The following COG5 variants were observed in gnomAD, a reference collection of about 807,000 sequenced individuals.
COG5 encodes component of oligomeric golgi complex 5.
In COG5, 86 loss-of-function variants were observed where a neutral mutation model predicts 110.4. That is an observed-to-expected ratio of 0.78 (90% CI 0.65 to 0.93). The LOEUF is 0.93. Ranked by LOEUF, COG5 falls within the 40% of genes least tolerant of loss-of-function variation. The pLI, the probability that COG5 is intolerant of heterozygous loss-of-function variation, is 0.00. For missense variants in COG5, 1,077 were observed against 987.0 expected, an observed-to-expected ratio of 1.09 and a Z score of -1.22; for synonymous variants, 360 against 334.6, an observed-to-expected ratio of 1.08 and a Z score of -0.83.
At chr7:107,405,025 A>T (rs902637179) in intron 7 of COG5, among the ~76,000 whole-genome samples, 1 of 152,108 alleles carries the variant, frequency 6.6e-6, no homozygotes, top group Non-Finnish European at 1.5e-5. Context: ...TTCAATACAA[A>T]TTGCTTCACA....
At chr7:107,286,420 G>C (rs67693230) in intron 12 of COG5, among the ~76,000 whole-genome samples, 13,601 of 152,018 alleles carry the variant, frequency 0.089, 920 homozygotes, top group African/African-American at 0.19. Context: ...ATCATTTCAA[G>C]GTGCTCTCAT....
At chr7:107,518,158 G>T (rs1374439824) in intron 6 of COG5, among the ~76,000 whole-genome samples, 2 of 152,144 alleles carry the variant, frequency 1.3e-5, no homozygotes, top group Admixed American at 6.5e-5. Context: ...ACTGAAGGAA[G>T]CACTAAATAT....
In COG5 at chr7:107,203,521, G is replaced by A. The variant is rs549788738; in HGVS notation, c.2485C>T (p.Gln829Ter). Residue 829 changes from glutamine to a stop codon, truncating the protein, a stop_gained, in exon 22 of 22, where the codon CAG (glutamine) becomes TAG (stop). Transcript: ENST00000297135. LOFTEE classifies it high-confidence loss of function. Reference sequence around the variant, plus strand: ...TGAACAAAGATTTCATGTCATTACTGAAGAGCAGACATAGCCTTTTGAAGC... The same window carrying A: ...TGAACAAAGATTTCATGTCATTACTAAAGAGCAGACATAGCCTTTTGAAGC... Reference protein sequence around the residue: ...QLLQKAMSALQ With the variant: ...QLLQKAMSAL 1.2e-4 allele frequency: 197 copies of A among 1,607,352 alleles called. 2 individuals carry two copies. In the South Asian group the frequency reaches 2.1e-3, roughly 17 times the overall value.
intron 6 of COG5, among the ~76,000 whole-genome samples, chr7:107,414,697 C>T (rs1457141350): frequency 1.8e-5 from 2 of 110,074 alleles, no homozygotes; most frequent in African/African-American, 6.0e-5. Flanking sequence ...AAAATCCTCA[C>T]TGTCCCTTTT....
chr7:107,263,181 C>A (rs942497013), intron 14 of COG5, among the ~76,000 whole-genome samples: 8 of 152,168 alleles, frequency 5.3e-5, no homozygotes, highest in Non-Finnish European at 1.0e-4. Context: ...TCAACTACTT[C>A]ATAATCCTCC....
At chr7:107,493,961 A>T (rs549750244) in intron 6 of COG5, among the ~76,000 whole-genome samples, 1 of 152,208 alleles carries the variant, frequency 6.6e-6, no homozygotes, top group African/African-American at 2.4e-5. Flanking sequence ...TAATTTGAGT[A>T]TTAAAAATTT....
intron 6 of COG5, among the ~76,000 whole-genome samples, chr7:107,473,793 T>C (rs1312445503): frequency 6.6e-6 from 1 of 151,984 alleles, no homozygotes; most frequent in Non-Finnish European, 1.5e-5. Context: ...CTTTAGCATA[T>C]TAACTTTGCA....
chr7:107,544,491 C>A (rs1005539502), intron 5 of COG5, among the ~76,000 whole-genome samples: 1 of 152,152 alleles, frequency 6.6e-6, no homozygotes, highest in African/African-American at 2.4e-5. Context: ...CACATTTGCC[C>A]CAGTAAATAT....
intron 18 of COG5, among the ~76,000 whole-genome samples, chr7:107,233,047 T>C (rs796243079): frequency 1.3e-5 from 2 of 152,376 alleles, no homozygotes; most frequent in African/African-American, 4.8e-5. Context: ...TTTTCTTTTC[T>C]AAATTAATAT....
chr7:107,312,355 G>A (rs1395662323), intron 11 of COG5, among the ~76,000 whole-genome samples: 1 of 152,212 alleles, frequency 6.6e-6, no homozygotes, highest in Non-Finnish European at 1.5e-5. Context: ...GTAGGCAGAA[G>A]CTTTTTGCAG....
chr7:107,352,157 T>C (rs1200355094), intron 10 of COG5, among the ~76,000 whole-genome samples: 5 of 148,884 alleles, frequency 3.4e-5, no homozygotes, highest in African/African-American at 1.2e-4. Flanking sequence ...ATATCCTTTG[T>C]AGGGACATGG....
At chr7:107,204,324 G>C (rs1798587790) in intron 21 of COG5, among the ~76,000 whole-genome samples, 1 of 152,140 alleles carries the variant, frequency 6.6e-6, no homozygotes, top group Non-Finnish European at 1.5e-5. Flanking sequence ...CAATGGCAGA[G>C]TTGAATAGTT....
intron 10 of COG5, among the ~76,000 whole-genome samples, chr7:107,348,125 C>CAAAAAAAAA: frequency 2.0e-5 from 1 of 51,248 alleles, no homozygotes; most frequent in Admixed American, 2.8e-4. Context: ...GACTCCATCT[C>CAAAAAAAAA]AAAAAAAAAA....
At chr7:107,206,828 C>G (rs1385321177) in intron 21 of COG5, among the ~76,000 whole-genome samples, 1 of 152,200 alleles carries the variant, frequency 6.6e-6, no homozygotes, top group East Asian at 1.9e-4. Context: ...TGCCCTCCCA[C>G]ATGAAATTAG....
At chr7:107,367,749 CAGAGTGGTATAATGGACATT>C (rs1813763717) in intron 8 of COG5, among the ~76,000 whole-genome samples, 1 of 151,968 alleles carries the variant, frequency 6.6e-6, no homozygotes, top group South Asian at 2.1e-4. Flanking sequence ...TACAAAAAGA[CAGAGTGGTATAATGGACATT>C]AGAGACTCAG....
At chr7:107,220,451 G>A (rs1799833766) in intron 19 of COG5, among the ~76,000 whole-genome samples, 1 of 152,224 alleles carries the variant, frequency 6.6e-6, no homozygotes, top group African/African-American at 2.4e-5. Flanking sequence ...AATGGGTGGT[G>A]TTGTCTTAAA....
intron 6 of COG5, among the ~76,000 whole-genome samples, chr7:107,424,259 CGA>C (rs955894920): frequency 6.6e-6 from 1 of 151,828 alleles, no homozygotes; most frequent in African/African-American, 2.4e-5. Flanking sequence ...GGCAACAGAG[CGA>C]GAGTCTGTCT....
At chr7:107,557,887 A>G in intron 2 of COG5, 89 bp downstream of exon 2, 2 of 1,473,362 alleles carry the variant, frequency 1.4e-6, no homozygotes, top group South Asian at 1.1e-5. Context: ...CTTCATGTAA[A>G]TATGCATTTG....
At chr7:107,458,784 G>A (rs976735670) in intron 6 of COG5, among the ~76,000 whole-genome samples, 41 of 152,150 alleles carry the variant, frequency 2.7e-4, no homozygotes, top group African/African-American at 9.2e-4. Context: ...ACTTGAGCCC[G>A]AGAAGTCAAA....
Sources: allele counts gnomAD v4.1 joint callset (sites outside exome capture counted in the v4.1 genomes callset), GRCh38; gene constraint gnomAD v4.1.1; transcripts MANE v1.5; gene names NCBI Gene and HGNC (gene_info 2026-07-23, HGNC 2026-07-21).